Variants in DSCAM observed in about 807,000 individuals in gnomAD.
DSCAM encodes the protein cell adhesion molecule DSCAM.
Under a neutral mutation model 217.7 loss-of-function variants are expected in DSCAM, and 47 were observed. That is an observed-to-expected ratio of 0.22 (90% CI 0.17 to 0.28). The LOEUF (loss-of-function observed/expected upper bound fraction) is 0.28. DSCAM is among the 10% of genes least tolerant of loss of function. The probability of loss-of-function intolerance (pLI) is 1.00; values close to 1 mark genes in which losing one functional copy is unlikely to be tolerated. For missense variants in DSCAM, 2,080 were observed against 2,618.3 expected, an observed-to-expected ratio of 0.79 and a Z score of 4.49; for synonymous variants, 1,056 against 1,015.3, an observed-to-expected ratio of 1.04 and a Z score of -0.76.
At chr21:40,026,802 C>G (rs1250902373) in intron 32 of DSCAM, among the ~76,000 whole-genome samples, 4 of 86,708 alleles carry the variant, frequency 4.6e-5, no homozygotes, top group Non-Finnish European at 9.9e-5. Context: ...ATACAGCACA[C>G]TGATGGGTCT....
chr21:40,582,471 C>T (rs2076913059), intron 3 of DSCAM, among the ~76,000 whole-genome samples: 1 of 152,098 alleles, frequency 6.6e-6, no homozygotes, highest in Non-Finnish European at 1.5e-5. Flanking sequence ...TCAAGAGCAA[C>T]ACATTCTTAG....
chr21:40,598,801 C>T (rs2077041426), intron 3 of DSCAM, among the ~76,000 whole-genome samples: 1 of 152,148 alleles, frequency 6.6e-6, no homozygotes, highest in African/African-American at 2.4e-5. Context: ...CCGCGACTGG[C>T]CCAAACTGTC....
At chr21:40,238,953 G>GA (rs960230946) in intron 11 of DSCAM, among the ~76,000 whole-genome samples, 2 of 152,066 alleles carry the variant, frequency 1.3e-5, no homozygotes, top group African/African-American at 2.4e-5. Context: ...ATGCCACTCT[G>GA]AAAAAAAGTA....
At position 40,301,607 on chromosome 21, in the gene DSCAM, C is replaced by T. The variant is rs1341465356; in HGVS notation, c.2063-5433G>A. ...TAATTACTTACCATAGCCTTTATTA[C>T]GCTCATCTGGTATTGCTGTTTAACA... is the stretch of plus-strand genomic sequence containing the variant. On this transcript the variant is annotated intron_variant, in intron 9 of 32. Coordinates refer to ENST00000400454, the MANE Select transcript of DSCAM (RefSeq NM_001389.5). Among the ~76,000 whole-genome samples, 6 of 152,306 alleles carry T rather than the reference C, an allele frequency of 3.9e-5. 1 individual carries two copies. The highest frequency in any genetic ancestry group is 7.4e-5 in the Non-Finnish European group (5 of 68,020).
At chr21:40,443,771 A>T (rs1601648643) in intron 3 of DSCAM, among the ~76,000 whole-genome samples, 1 of 152,328 alleles carries the variant, frequency 6.6e-6, no homozygotes, top group East Asian at 1.9e-4. Context: ...GCTTTACATC[A>T]TTCCTACAGT....
At chr21:40,780,409 G>GTATATATATATA (rs2091528831) in intron 1 of DSCAM, among the ~76,000 whole-genome samples, 3 of 76,622 alleles carry the variant, frequency 3.9e-5, no homozygotes, top group South Asian at 1.2e-3. Flanking sequence ...GTGTGTGTGT[G>GTATATATATATA]TGTGTGTGTG....
At chr21:40,297,436 T>C (rs1405876513) in intron 9 of DSCAM, among the ~76,000 whole-genome samples, 1 of 152,200 alleles carries the variant, frequency 6.6e-6, no homozygotes, top group Non-Finnish European at 1.5e-5. Context: ...AGATGAATTA[T>C]CTACACCATA....
At chr21:40,220,332 G>A (rs2091279578) in intron 11 of DSCAM, among the ~76,000 whole-genome samples, 1 of 152,156 alleles carries the variant, frequency 6.6e-6, no homozygotes, top group South Asian at 2.1e-4. Flanking sequence ...CATTTAAAGT[G>A]AATATACATG....
At chr21:40,157,224 G>A (rs528256939) in intron 16 of DSCAM, among the ~76,000 whole-genome samples, 7 of 152,354 alleles carry the variant, frequency 4.6e-5, no homozygotes, top group African/African-American at 1.7e-4. Context: ...CTGCAGCTGT[G>A]CCTATGCAGC....
chr21:40,369,976 A>G (rs2074877605), intron 3 of DSCAM, among the ~76,000 whole-genome samples: 1 of 152,174 alleles, frequency 6.6e-6, no homozygotes, highest in Admixed American at 6.5e-5. Context: ...ATTCCCCATT[A>G]TGTCAGCACA....
chr21:40,610,771 G>T (rs1313139959), intron 3 of DSCAM, among the ~76,000 whole-genome samples: 1 of 152,200 alleles, frequency 6.6e-6, no homozygotes, highest in Non-Finnish European at 1.5e-5. Context: ...TTAAAAAGAT[G>T]AGACCTATGC....
At chr21:40,277,093 G>A (rs1428018509) in intron 10 of DSCAM, among the ~76,000 whole-genome samples, 2 of 152,096 alleles carry the variant, frequency 1.3e-5, no homozygotes, top group African/African-American at 4.8e-5. Context: ...GGAGTTGGGT[G>A]GGCTGGGAGA....
At chr21:40,637,999 T>C (rs1232976946) in intron 3 of DSCAM, among the ~76,000 whole-genome samples, 1 of 152,010 alleles carries the variant, frequency 6.6e-6, no homozygotes, top group Non-Finnish European at 1.5e-5. Flanking sequence ...TTTATATTGA[T>C]AGAATTCTCA....
At chr21:40,201,566 CAAG>C (rs2091069962) in intron 11 of DSCAM, among the ~76,000 whole-genome samples, 1 of 152,098 alleles carries the variant, frequency 6.6e-6, no homozygotes. Flanking sequence ...CTCAGCTTCC[CAAG>C]TAGCTGGGAT....
chr21:40,715,609 A>G (rs1406579377), intron 1 of DSCAM, among the ~76,000 whole-genome samples: 2 of 152,214 alleles, frequency 1.3e-5, no homozygotes, highest in Non-Finnish European at 2.9e-5. Context: ...ATTGCTAACT[A>G]AGAAATCGGT....
chr21:40,568,103 T>C (rs142754229), intron 3 of DSCAM, among the ~76,000 whole-genome samples: 196 of 152,336 alleles, frequency 1.3e-3, no homozygotes, highest in African/African-American at 4.5e-3. Context: ...ACGTAAACTA[T>C]GTTTGATTGA....
intron 3 of DSCAM, among the ~76,000 whole-genome samples, chr21:40,544,023 C>G (rs956040579): frequency 6.6e-6 from 1 of 152,070 alleles, no homozygotes; most frequent in South Asian, 2.1e-4. Flanking sequence ...CCAAGTTGAA[C>G]TCTTAGTCAG....
chr21:40,472,947 T>G (rs2145971469), intron 3 of DSCAM, among the ~76,000 whole-genome samples: 1 of 152,242 alleles, frequency 6.6e-6, no homozygotes, highest in South Asian at 2.1e-4. Flanking sequence ...ACTTCATATT[T>G]TTGTTGCTAA....
intron 3 of DSCAM, among the ~76,000 whole-genome samples, chr21:40,673,842 A>G (rs2090305993): frequency 6.6e-6 from 1 of 152,164 alleles, no homozygotes; most frequent in Non-Finnish European, 1.5e-5. Context: ...CCTCCCCAGA[A>G]GCAGCTGCTG....
Sources: allele counts gnomAD v4.1 joint callset (sites outside exome capture counted in the v4.1 genomes callset), GRCh38; gene constraint gnomAD v4.1.1; transcripts MANE v1.5; gene names NCBI Gene and HGNC (gene_info 2026-07-23, HGNC 2026-07-21).